The following TMEM63C variants were observed in gnomAD, a reference collection of about 807,000 sequenced individuals.
TMEM63C encodes the protein osmosensitive cation channel TMEM63C.
In TMEM63C, 32 loss-of-function variants were observed where a neutral mutation model predicts 99.2. The observed-to-expected ratio is 0.32, with a 90% CI of 0.24 to 0.43. TMEM63C has a LOEUF of 0.43. Ranked by LOEUF, TMEM63C falls within the 20% of genes least tolerant of loss-of-function variation. The pLI is 1.00. For missense variants in TMEM63C, 826 were observed against 1,053.0 expected (o/e 0.78, Z 2.98); for synonymous variants, 376 against 397.9 (o/e 0.94, Z 0.66).
At chr14:77,189,856 T>C (rs1888074049) in intron 1 of TMEM63C, among the ~76,000 whole-genome samples, 1 of 152,182 alleles carries the variant, frequency 6.6e-6, no homozygotes. Context: ...GCCGGCTCTT[T>C]GCACGTCTGA....
intron 5 of TMEM63C, among the ~76,000 whole-genome samples, chr14:77,221,520 G>A (rs1188299185): frequency 7.3e-5 from 1 of 13,712 alleles, no homozygotes; most frequent in Non-Finnish European, 1.1e-4. Flanking sequence ...TCCTTCTAGC[G>A]CCTCCCCTCC....
chr14:77,253,478 G>A, intron 23 of TMEM63C, 102 bp downstream of exon 23: 9 of 1,205,852 alleles, frequency 7.5e-6, no homozygotes, highest in Non-Finnish European at 1.1e-5. Flanking sequence ...CCCACTCTGG[G>A]TATGGGGAAG....
intron 8 of TMEM63C, among the ~76,000 whole-genome samples, chr14:77,236,197 A>G (rs1374316433): frequency 6.1e-4 from 1 of 1,648 alleles, no homozygotes; most frequent in Admixed American, 9.8e-3. Flanking sequence ...GGGAGTCTGT[A>G]ATGGATGGGG....
At chr14:77,233,200 A>G (rs79975624) in intron 7 of TMEM63C, among the ~76,000 whole-genome samples, 335 of 152,238 alleles carry the variant, frequency 2.2e-3, no homozygotes, top group Non-Finnish European at 4.0e-3. Context: ...TTATGTGCCA[A>G]TTATGCCCTG....
At chr14:77,202,825 GCACACACA>G (rs60544528) in intron 1 of TMEM63C, among the ~76,000 whole-genome samples, 29,599 of 140,864 alleles carry the variant, frequency 0.21, 3,741 homozygotes, top group Admixed American at 0.36. Context: ...ACAGGCAGGC[GCACACACA>G]CACACACACA....
At chr14:77,240,951 T>TTC (rs1195272710) in intron 13 of TMEM63C, among the ~76,000 whole-genome samples, 7 of 143,514 alleles carry the variant, frequency 4.9e-5, no homozygotes, top group Admixed American at 3.5e-4. Flanking sequence ...TTTTTTCTTT[T>TTC]TTTTTTTTTT....
chr14:77,241,071 C>T (rs1042623182), intron 13 of TMEM63C, among the ~76,000 whole-genome samples: 1 of 152,054 alleles, frequency 6.6e-6, no homozygotes, highest in African/African-American at 2.4e-5. Flanking sequence ...CTGCCTCAGC[C>T]TCCCAAGTAG....
At chr14:77,249,106 G>C (rs1305980900) in intron 20 of TMEM63C, among the ~76,000 whole-genome samples, 185 bp from the exon 21 acceptor site, 1 of 152,152 alleles carries the variant, frequency 6.6e-6, no homozygotes, top group Non-Finnish European at 1.5e-5. Context: ...GAAACAGTCA[G>C]TTCTCGGGGC....
chr14:77,213,013 A>G (rs1888517129), intron 1 of TMEM63C, among the ~76,000 whole-genome samples: 1 of 152,216 alleles, frequency 6.6e-6, no homozygotes, highest in Admixed American at 6.5e-5. Context: ...GGGGAAATAG[A>G]TACTCAATGA....
At chr14:77,250,683 G>A (rs182980960) in intron 21 of TMEM63C, among the ~76,000 whole-genome samples, 37 of 152,090 alleles carry the variant, frequency 2.4e-4, no homozygotes, top group African/African-American at 7.7e-4. Context: ...CAGGCAATCC[G>A]AGGCAGTGTT....
Position 77,194,292 on chromosome 14 carries a change from C to A in TMEM63C, c.-77+12398C>A, listed in dbSNP as rs967289066. Among the ~76,000 whole-genome samples the A allele has an allele frequency of 2.7e-5, 4 of 147,430 alleles. No homozygotes were observed. The South Asian group carries it at 8.6e-4, about 32-fold the overall frequency. On this transcript the variant is annotated intron_variant, in intron 1 of 23. Coordinates refer to ENST00000298351, the MANE Select transcript of TMEM63C (RefSeq NM_020431.4). ...CAAATATAAGTACTGGGAATATGTTCCTGGTTGGGTTTAAAATAAAGATGC... is the reference window on the plus strand; with the variant it reads ...CAAATATAAGTACTGGGAATATGTTACTGGTTGGGTTTAAAATAAAGATGC...
chr14:77,192,847 G>A (rs1014425156), intron 1 of TMEM63C, among the ~76,000 whole-genome samples: 1 of 151,832 alleles, frequency 6.6e-6, no homozygotes, highest in African/African-American at 2.4e-5. Flanking sequence ...AGAAGAGGAG[G>A]AGGAGGAAGG....
intron 13 of TMEM63C, 122 bp downstream of exon 13, chr14:77,240,730 C>T: frequency 8.0e-7 from 1 of 1,256,764 alleles, no homozygotes; most frequent in Non-Finnish European, 1.1e-6. Context: ...TCGTCACAGG[C>T]AGCTGCCATC....
chr14:77,218,002 G>A (rs765597741), intron 2 of TMEM63C, among the ~76,000 whole-genome samples: 3 of 152,064 alleles, frequency 2.0e-5, no homozygotes, highest in Non-Finnish European at 4.4e-5. Flanking sequence ...GAATGAATAA[G>A]ATCTAGTATT....
intron 5 of TMEM63C, among the ~76,000 whole-genome samples, chr14:77,222,605 C>T (rs1006420222): frequency 1.3e-5 from 2 of 152,182 alleles, no homozygotes; most frequent in Non-Finnish European, 2.9e-5. Context: ...CCTTACTCCT[C>T]CCAACTCCCC....
intron 2 of TMEM63C, among the ~76,000 whole-genome samples, chr14:77,214,240 G>A (rs1888542514): frequency 6.6e-6 from 1 of 152,204 alleles, no homozygotes; most frequent in African/African-American, 2.4e-5. Flanking sequence ...GCCCTGTGAA[G>A]TGGGTACTAA....
At chr14:77,228,748 G>A (rs957407625) in intron 6 of TMEM63C, among the ~76,000 whole-genome samples, 23 of 152,064 alleles carry the variant, frequency 1.5e-4, no homozygotes, top group African/African-American at 5.6e-4. Flanking sequence ...CGTTGGCCAG[G>A]CTGGTCTTGA....
intron 12 of TMEM63C, 34 bp downstream of exon 12, chr14:77,239,760 G>A (rs762756084): frequency 6.2e-7 from 1 of 1,607,538 alleles, no homozygotes. Flanking sequence ...CACAGCAAGG[G>A]AGCGGTGGGG....
chr14:77,193,791 G>A (rs890057443), intron 1 of TMEM63C, among the ~76,000 whole-genome samples: 60 of 151,272 alleles, frequency 4.0e-4, no homozygotes, highest in African/African-American at 1.2e-3. Context: ...CAGAGATTGC[G>A]CCACTGCACT....
Sources: allele counts gnomAD v4.1 joint callset (sites outside exome capture counted in the v4.1 genomes callset), GRCh38; gene constraint gnomAD v4.1.1; transcripts MANE v1.5; gene names NCBI Gene and HGNC (gene_info 2026-07-23, HGNC 2026-07-21).